SEMA5A: variants seen among roughly 807,000 people sequenced by gnomAD.
The protein encoded by SEMA5A is semaphorin 5A.
A neutral mutation model predicts 135.5 loss-of-function variants in SEMA5A; 55 were observed. The ratio of observed to expected loss-of-function variants is 0.41; its 90% CI spans 0.33 to 0.51. The LOEUF (loss-of-function observed/expected upper bound fraction) is 0.51. Ranked by LOEUF, SEMA5A falls within the 20% of genes least tolerant of loss-of-function variation. The pLI is 0.37. For synonymous variants in SEMA5A, 580 were observed against 546.5 expected, an observed-to-expected ratio of 1.06 and a Z score of -0.85; for missense variants, 1,290 against 1,419.9, an observed-to-expected ratio of 0.91 and a Z score of 1.47.
intron 15 of SEMA5A, among the ~76,000 whole-genome samples, chr5:9,110,888 A>C (rs1740203554): frequency 6.6e-6 from 1 of 152,272 alleles, no homozygotes; most frequent in East Asian, 1.9e-4. Flanking sequence ...TCCTACACGT[A>C]GTAGGGGAAG....
At chr5:9,216,665 T>C (rs3912189) in intron 8 of SEMA5A, among the ~76,000 whole-genome samples, 63,290 of 152,022 alleles carry the variant, frequency 0.42, 13,550 homozygotes, top group South Asian at 0.57. Flanking sequence ...TGGGTGCTAC[T>C]GTGTTGTGTG....
intron 1 of SEMA5A, chr5:9,498,360 C>T (rs924356451): frequency 2.6e-5 from 4 of 152,190 alleles, no homozygotes; most frequent in African/African-American, 9.6e-5. Context: ...GGGAAAAGGA[C>T]TTTCATTCAC....
At chr5:9,073,354 A>C (rs1737872026) in intron 16 of SEMA5A, among the ~76,000 whole-genome samples, 1 of 152,168 alleles carries the variant, frequency 6.6e-6, no homozygotes, top group South Asian at 2.1e-4. Flanking sequence ...ATAGAAGTAA[A>C]CTCATGTAAT....
intron 16 of SEMA5A, among the ~76,000 whole-genome samples, chr5:9,074,095 T>C (rs1737915108): frequency 6.6e-6 from 1 of 152,154 alleles, no homozygotes; most frequent in African/African-American, 2.4e-5. Flanking sequence ...ACTTCAGGAT[T>C]CATTATAAAG....
intron 2 of SEMA5A, among the ~76,000 whole-genome samples, chr5:9,415,683 A>C (rs1456489968): frequency 6.6e-6 from 1 of 152,238 alleles, no homozygotes; most frequent in Non-Finnish European, 1.5e-5. Context: ...ATTTTCCTTT[A>C]AATAAAATGG....
rs769193073 is a variant in SEMA5A, at chr5:9,226,881, G to A, written c.420C>T (p.Cys140=). The A allele has an allele frequency of 8.1e-6, 13 of 1,602,096 alleles. No homozygotes were observed. The highest frequency in any genetic ancestry group is 1.1e-5 in the Non-Finnish European group (13 of 1,173,348). The part of the protein sequence containing the change: ...TCGTNAFTPV[C]TNRSLSNLTE... ...AAAGAAGCCATACCGAGCGGTTGGTGCAGACAGGCGTGAATGCATTGGTCC... is the reference window on the plus strand; with the variant it reads ...AAAGAAGCCATACCGAGCGGTTGGTACAGACAGGCGTGAATGCATTGGTCC... Residue 140 remains cysteine (C), a synonymous_variant, in exon 7 of 23, where the codon TGC becomes TGT. Coordinates refer to ENST00000382496, the MANE Select transcript of SEMA5A (RefSeq NM_003966.3).
intron 2 of SEMA5A, among the ~76,000 whole-genome samples, chr5:9,384,631 G>GATAC (rs1491378211): frequency 1.8e-5 from 2 of 111,124 alleles, no homozygotes; most frequent in East Asian, 2.4e-4. Context: ...TAGATAGATA[G>GATAC]ATAGATAGAT....
At chr5:9,463,137 T>C (rs1025400247) in intron 1 of SEMA5A, among the ~76,000 whole-genome samples, 3 of 152,160 alleles carry the variant, frequency 2.0e-5, no homozygotes, top group Non-Finnish European at 2.9e-5. Context: ...TGGGAAACCA[T>C]CTTAATTTAT....
At chr5:9,434,114 C>T (rs1757948910) in intron 2 of SEMA5A, among the ~76,000 whole-genome samples, 1 of 152,108 alleles carries the variant, frequency 6.6e-6, no homozygotes, top group Non-Finnish European at 1.5e-5. Flanking sequence ...GAACTGGAAG[C>T]AACATATGTT....
At chr5:9,484,848 C>T (rs1296959241) in intron 1 of SEMA5A, among the ~76,000 whole-genome samples, 4 of 152,048 alleles carry the variant, frequency 2.6e-5, no homozygotes, top group Admixed American at 1.3e-4. Flanking sequence ...GTCCTTCTCT[C>T]CTCCTCCACA....
At chr5:9,436,158 A>G (rs774630403) in intron 2 of SEMA5A, among the ~76,000 whole-genome samples, 5 of 152,230 alleles carry the variant, frequency 3.3e-5, no homozygotes, top group Non-Finnish European at 7.3e-5. Context: ...GGTTGTTATG[A>G]GAATTTTAAA....
At chr5:9,315,470 T>C (rs1752349962) in intron 5 of SEMA5A, among the ~76,000 whole-genome samples, 1 of 152,188 alleles carries the variant, frequency 6.6e-6, no homozygotes, top group East Asian at 1.9e-4. Flanking sequence ...ATAATGTCCT[T>C]TATAGTAAGA....
At chr5:9,283,336 A>T (rs1750635861) in intron 5 of SEMA5A, among the ~76,000 whole-genome samples, 2 of 152,088 alleles carry the variant, frequency 1.3e-5, no homozygotes, top group South Asian at 2.1e-4. Flanking sequence ...TGCTGGAAAA[A>T]TTCAGTTCTT....
chr5:9,046,987 T>C (rs1736295842), intron 21 of SEMA5A, among the ~76,000 whole-genome samples: 1 of 152,228 alleles, frequency 6.6e-6, no homozygotes, highest in Non-Finnish European at 1.5e-5. Flanking sequence ...TGGCCTTTCT[T>C]GACTCTGTCT....
At chr5:9,313,557 C>A (rs1327006214) in intron 5 of SEMA5A, among the ~76,000 whole-genome samples, 4 of 152,050 alleles carry the variant, frequency 2.6e-5, no homozygotes, top group Non-Finnish European at 5.9e-5. Flanking sequence ...TTCCAGGTAA[C>A]CTAATCTAAT....
intron 1 of SEMA5A, chr5:9,517,326 C>T (rs1736586424): frequency 6.6e-6 from 1 of 152,212 alleles, no homozygotes; most frequent in Non-Finnish European, 1.5e-5. Context: ...GAATTGGCTC[C>T]AAGGATTGCA....
intron 5 of SEMA5A, among the ~76,000 whole-genome samples, chr5:9,302,280 A>C (rs1356521394): frequency 6.6e-6 from 1 of 152,196 alleles, no homozygotes. Context: ...TTTTCAGCCT[A>C]CTGCATGATA....
At chr5:9,273,141 T>C (rs540049865) in intron 5 of SEMA5A, among the ~76,000 whole-genome samples, 12 of 152,044 alleles carry the variant, frequency 7.9e-5, no homozygotes, top group Non-Finnish European at 1.5e-4. Flanking sequence ...GAGAAGAACA[T>C]AAATGATCTG....
At chr5:9,132,630 C>T (rs1159121297) in intron 13 of SEMA5A, among the ~76,000 whole-genome samples, 1 of 152,176 alleles carries the variant, frequency 6.6e-6, no homozygotes, top group Non-Finnish European at 1.5e-5. Flanking sequence ...AGCCATAAGT[C>T]ACAGCCACTG....
Sources: gnomAD v4.1 joint callset for allele counts (sites outside exome capture counted in the v4.1 genomes callset) on GRCh38, gnomAD v4.1.1 for gene constraint, MANE v1.5 for transcripts, NCBI Gene and HGNC (gene_info 2026-07-23, HGNC 2026-07-21) for gene names.